The following FBXL17 variants were observed in gnomAD, a reference collection of about 807,000 sequenced individuals.
FBXL17 encodes the protein F-box/LRR-repeat protein 17.
Under a neutral mutation model 66.2 loss-of-function variants are expected in FBXL17, and 22 were observed. The ratio of observed to expected loss-of-function variants is 0.33; its 90% confidence interval spans 0.24 to 0.47. The LOEUF is 0.47. FBXL17 is among the 20% of genes least tolerant of loss of function. The probability of loss-of-function intolerance (pLI) is 1.00; values close to 1 mark genes in which losing one functional copy is unlikely to be tolerated. For synonymous variants in FBXL17, 474 were observed against 400.5 expected, an observed-to-expected ratio of 1.18 and a Z score of -2.19; for missense variants, 878 against 948.2, an observed-to-expected ratio of 0.93 and a Z score of 0.97.
intron 4 of FBXL17, among the ~76,000 whole-genome samples, chr5:108,230,466 A>G (rs1179368107): frequency 6.6e-6 from 1 of 152,228 alleles, no homozygotes; most frequent in African/African-American, 2.4e-5. Flanking sequence ...GAAGTAACTC[A>G]GGAATGGAAA....
intron 6 of FBXL17, among the ~76,000 whole-genome samples, chr5:108,077,612 A>T (rs1748601707): frequency 6.6e-6 from 1 of 151,628 alleles, no homozygotes; most frequent in Admixed American, 6.6e-5. Flanking sequence ...GCAGTGAGCC[A>T]TGTTCATACC....
intron 7 of FBXL17, among the ~76,000 whole-genome samples, chr5:107,974,270 T>C (rs554471573): frequency 1.3e-5 from 2 of 152,288 alleles, no homozygotes; most frequent in Admixed American, 1.3e-4. Context: ...ACAACGTACG[T>C]ACTGAGTAAC....
intron 6 of FBXL17, among the ~76,000 whole-genome samples, chr5:108,089,789 C>A (rs1318698363): frequency 1.3e-5 from 2 of 152,080 alleles, no homozygotes; most frequent in Non-Finnish European, 2.9e-5. Flanking sequence ...AAAAGAATGA[C>A]CAAAGAGTTA....
intron 1 of FBXL17, among the ~76,000 whole-genome samples, chr5:108,378,148 G>A (rs1749575264): frequency 6.6e-6 from 1 of 151,474 alleles, no homozygotes; most frequent in Non-Finnish European, 1.5e-5. Flanking sequence ...ATATAAAAGA[G>A]AAACATCCTT....
intron 7 of FBXL17, among the ~76,000 whole-genome samples, chr5:107,914,341 G>T (rs75538254): frequency 6.6e-6 from 1 of 152,248 alleles, no homozygotes; most frequent in East Asian, 1.9e-4. Context: ...CAAATTATGA[G>T]TTCTCTCTGC....
intron 4 of FBXL17, chr5:108,298,551 A>G: frequency 1.0e-6 from 1 of 970,926 alleles, no homozygotes; most frequent in Non-Finnish European, 1.2e-6. Flanking sequence ...AGAAATCAAC[A>G]AAAATTCAGT....
In FBXL17 at chr5:108,147,133, C is replaced by T. The variant is rs77048468; in HGVS notation, c.1745+38984G>A. Among the ~76,000 whole-genome samples, 1,389 of 152,304 alleles carry T rather than the reference C, an allele frequency of 9.1e-3. 17 individuals are homozygous for T. Among genetic ancestry groups the T allele is most frequent in the African/African-American group, 0.032 (1,310 of 41,560 alleles). On this transcript the variant is annotated intron_variant, in intron 6 of 8. Transcript: ENST00000542267. ...TCCCAAAAGTCTCTACCTCTTAATA[C>T]TATTACAGTGGTTATTCAACTTCAA...
At chr5:108,228,262 G>T (rs1755183186) in intron 4 of FBXL17, among the ~76,000 whole-genome samples, 1 of 152,136 alleles carries the variant, frequency 6.6e-6, no homozygotes, top group African/African-American at 2.4e-5. Flanking sequence ...GAAGATTTGG[G>T]TGGCATCCAG....
At chr5:108,126,423 G>A (rs286804) in intron 6 of FBXL17, among the ~76,000 whole-genome samples, 99,465 of 151,652 alleles carry the variant, frequency 0.66, 33,572 homozygotes, top group East Asian at 0.92. Flanking sequence ...AAAGTAATAA[G>A]CCTAAAAATT....
At chr5:107,941,653 C>G (rs929009118) in intron 7 of FBXL17, among the ~76,000 whole-genome samples, 4 of 152,106 alleles carry the variant, frequency 2.6e-5, no homozygotes, top group Non-Finnish European at 5.9e-5. Context: ...GACTTGGTGA[C>G]TAAGGACGGA....
At chr5:107,932,808 T>C (rs1209580635) in intron 7 of FBXL17, among the ~76,000 whole-genome samples, 1 of 152,164 alleles carries the variant, frequency 6.6e-6, no homozygotes, top group Non-Finnish European at 1.5e-5. Context: ...GATTTTAGAA[T>C]CCAAATTACT....
chr5:107,882,187 T>C (rs1275732568), intron 7 of FBXL17, among the ~76,000 whole-genome samples: 1 of 152,218 alleles, frequency 6.6e-6, no homozygotes, highest in Non-Finnish European at 1.5e-5. Context: ...TTCCTCATTC[T>C]AAGATAGCAT....
chr5:108,127,908 A>G (rs1221558474), intron 6 of FBXL17, among the ~76,000 whole-genome samples: 3 of 152,210 alleles, frequency 2.0e-5, no homozygotes, highest in African/African-American at 7.2e-5. Flanking sequence ...GTACATTTTC[A>G]TAAAACAATA....
chr5:108,206,122 G>A (rs908926145), intron 5 of FBXL17, among the ~76,000 whole-genome samples: 4 of 151,942 alleles, frequency 2.6e-5, no homozygotes, highest in Non-Finnish European at 4.4e-5. Flanking sequence ...GATGATCATT[G>A]CCTCGGTCCA....
At position 107,861,019 on chromosome 5, in the gene FBXL17, T is replaced by C. The variant is rs1273076280; in HGVS notation, c.*701A>G. On this transcript the variant is annotated 3_prime_UTR_variant, in exon 9 of 9. Transcript: ENST00000542267. ...CAGAATGCATTTGTAGAATAATGTA[T>C]AATTAACTTTCGTGAGCTGGCCAGG... The C allele has an allele frequency of 6.6e-6, 1 of 152,188 alleles. No homozygotes were observed. The highest frequency in any genetic ancestry group is 2.4e-5 in the African/African-American group (1 of 41,432). 9.4% of individuals were successfully genotyped at this position (152,188 alleles called of 1,614,324 possible). A position where few individuals can be genotyped will look rare whatever the true frequency, so the allele number is the denominator to read the frequency against.
In FBXL17 at chr5:108,154,648, C is replaced by T. The variant is rs796363982; in HGVS notation, c.1745+31469G>A. 1.7e-3 allele frequency among the ~76,000 whole-genome samples: 195 copies of T among 116,154 alleles called. 3 individuals carry two copies. Among genetic ancestry groups the T allele is most frequent in the African/African-American group, 5.6e-3 (154 of 27,702 alleles). 76.2% of individuals were successfully genotyped at this position (116,154 alleles called of 152,430 possible). ...ACACACACACACACACACACACACA[C>T]ATATATGTATATACATATATATGTG... On this transcript the variant is annotated intron_variant, in intron 6 of 8. Transcript: ENST00000542267.
chr5:107,987,997 AT>A (rs1753087863), intron 7 of FBXL17, among the ~76,000 whole-genome samples: 1 of 152,142 alleles, frequency 6.6e-6, no homozygotes, highest in Non-Finnish European at 1.5e-5. Context: ...TGTTGGATTT[AT>A]TTTTATACAG....
chr5:107,868,524 C>A (rs946349628), intron 8 of FBXL17, among the ~76,000 whole-genome samples: 1 of 152,210 alleles, frequency 6.6e-6, no homozygotes, highest in Non-Finnish European at 1.5e-5. Context: ...TCCGTGACTA[C>A]GCCAGAAAGG....
At chr5:108,018,409 T>C (rs1376258735) in intron 7 of FBXL17, among the ~76,000 whole-genome samples, 2 of 152,172 alleles carry the variant, frequency 1.3e-5, no homozygotes, top group Middle Eastern at 3.2e-3. Flanking sequence ...CTGGTTACAA[T>C]GAATAATCTT....
Sources: gnomAD v4.1 joint callset for allele counts (sites outside exome capture counted in the v4.1 genomes callset) on GRCh38, gnomAD v4.1.1 for gene constraint, MANE v1.5 for transcripts, NCBI Gene and HGNC (gene_info 2026-07-23, HGNC 2026-07-21) for gene names.